Variants in RAB6B observed in about 807,000 individuals in gnomAD.
RAB6B encodes ras-related protein Rab-6B.
Under a neutral mutation model 31.2 loss-of-function variants are expected in RAB6B, and 7 were observed. The observed-to-expected ratio is 0.22, with a 90% CI of 0.13 to 0.42. The LOEUF (loss-of-function observed/expected upper bound fraction) is 0.42. Ranked by LOEUF, RAB6B falls within the 10% of genes least tolerant of loss-of-function variation. The pLI, the probability that RAB6B is intolerant of heterozygous loss-of-function variation, is 1.00. For synonymous variants in RAB6B, 105 were observed against 104.9 expected (o/e 1.00, Z -0.01); for missense variants, 149 against 280.6 (o/e 0.53, Z 3.35).
At chr3:133,876,493 A>T (rs944341133) in intron 1 of RAB6B, among the ~76,000 whole-genome samples, 1 of 152,200 alleles carries the variant, frequency 6.6e-6, no homozygotes, top group Non-Finnish European at 1.5e-5. Context: ...GAGAGATAAA[A>T]TATAAGGCAA....
intron 2 of RAB6B, among the ~76,000 whole-genome samples, chr3:133,857,272 G>A (rs977699692): frequency 6.6e-6 from 1 of 151,930 alleles, no homozygotes; most frequent in African/African-American, 2.4e-5. Context: ...AAAGTTTAAG[G>A]CCACTGGTTT....
rs569467709 is a variant in RAB6B at position 133,870,922 on chromosome 3, G to C, written c.71-6280C>G. ...TACCCTGGAAATCCCACCAATGCAG[G>C]GTGCACTGGATGCTGGCCCTTCACA... On this transcript the variant is annotated intron_variant, in intron 1 of 7. Coordinates refer to ENST00000285208, the MANE Select transcript of RAB6B (RefSeq NM_016577.4). Among the ~76,000 whole-genome samples the C allele has an allele frequency of 2.4e-4, 37 of 152,296 alleles. No individual in the cohort carries two copies. In the South Asian group the frequency reaches 7.7e-3, roughly 32 times the overall value.
intron 6 of RAB6B, 58 bp downstream of exon 6, chr3:133,838,108 C>T: frequency 6.5e-7 from 1 of 1,539,592 alleles, no homozygotes; most frequent in South Asian, 1.1e-5. Context: ...CTGCAGCTGA[C>T]CACAGGGCTA....
At chr3:133,838,380 C>T (rs1355119821) in intron 5 of RAB6B, 121 bp from the exon 6 acceptor site, 11 of 868,190 alleles carry the variant, frequency 1.3e-5, no homozygotes, top group Non-Finnish European at 2.1e-5. Context: ...GTCCTGAAGA[C>T]AGGCTCTGAT....
chr3:133,862,564 G>A (rs1936175010), intron 2 of RAB6B, among the ~76,000 whole-genome samples: 1 of 152,230 alleles, frequency 6.6e-6, no homozygotes, highest in Admixed American at 6.5e-5. Flanking sequence ...GCAGAGAAGA[G>A]AGGAAAGGGC....
chr3:133,837,640 G>A (rs567914729), intron 6 of RAB6B, among the ~76,000 whole-genome samples: 9 of 152,180 alleles, frequency 5.9e-5, no homozygotes, highest in Non-Finnish European at 1.2e-4. Context: ...CTACTCAGGG[G>A]CCCTCATGCT....
At position 133,843,789 on chromosome 3, in the gene RAB6B, G is replaced by A. The variant is rs555014692; in HGVS notation, c.130-2126C>T. Among the ~76,000 whole-genome samples, 4 of 152,316 alleles carry A rather than the reference G, an allele frequency of 2.6e-5. No individual in the cohort carries two copies. The South Asian group carries it at 8.3e-4, about 32-fold the overall frequency. ...GGGTCAGGTCCTCTGTGGGTAGGGA[G>A]TACCCACAGCTGCTCCCTTTCCCAC... On this transcript the variant is annotated intron_variant, in intron 2 of 7. Transcript: ENST00000285208.
chr3:133,848,688 A>G (rs546266607), intron 2 of RAB6B, among the ~76,000 whole-genome samples: 1 of 152,180 alleles, frequency 6.6e-6, no homozygotes, highest in East Asian at 1.9e-4. Context: ...CACTCCTGCA[A>G]TAACTGCATT....
At chr3:133,842,911 G>C (rs912400459) in intron 2 of RAB6B, among the ~76,000 whole-genome samples, 7 of 152,220 alleles carry the variant, frequency 4.6e-5, no homozygotes, top group African/African-American at 1.7e-4. Flanking sequence ...AAGTTTAATT[G>C]TGTGGAATGC....
Position 133,839,522 on chromosome 3 carries a change from C to G in RAB6B, c.385G>C (p.Asp129His). The change falls in exon 5 of 8, where the codon GAC becomes CAC. Residue 129 changes from aspartate to histidine, a missense_variant. Physicochemically the swap from Asp to His is moderately conservative, Grantham distance 81. Around this residue, in one of 2 missense-constraint regions of RAB6B, gnomAD observed 75 missense variants for 180.1 expected, o/e 0.42. Coordinates refer to ENST00000285208, the MANE Select transcript of RAB6B (RefSeq NM_016577.4). ...TGCACCTACCTCTTATCAGCCAGGT[C>G]CGTCTTGTTGCCCACCAGCATGATG... ...VIIMLVGNKT[D>H]LADKRQITIE... is the part of the protein sequence containing the mutation. 6.2e-7 allele frequency: 1 copy of G among 1,614,018 alleles called. No homozygotes were observed. The highest frequency in any genetic ancestry group is 1.1e-5 in the South Asian group (1 of 91,078).
chr3:133,846,008 C>T (rs767906890), intron 2 of RAB6B, among the ~76,000 whole-genome samples: 1 of 152,310 alleles, frequency 6.6e-6, no homozygotes, highest in African/African-American at 2.4e-5. Context: ...ATAACAGTAG[C>T]TAGGACACTG....
intron 1 of RAB6B, chr3:133,885,599 C>T (rs1051675404): frequency 8.5e-6 from 6 of 702,818 alleles, no homozygotes; most frequent in Admixed American, 2.0e-5. Context: ...GGGAGGAGTC[C>T]GGAAGGGCTG....
intron 2 of RAB6B, among the ~76,000 whole-genome samples, chr3:133,850,186 CTACCACGGGGGGGAGAA>C (rs1559903923): frequency 6.6e-6 from 1 of 152,154 alleles, no homozygotes; most frequent in Admixed American, 6.5e-5. Flanking sequence ...CAGTTGCTGC[CTACCACGGGGGGGAGAA>C]TTGAGAATTT....
At chr3:133,846,639 C>A (rs1002417492) in intron 2 of RAB6B, among the ~76,000 whole-genome samples, 7 of 152,092 alleles carry the variant, frequency 4.6e-5, no homozygotes, top group Admixed American at 1.3e-4. Flanking sequence ...ATGTCATAGT[C>A]AAATTGCTGA....
At chr3:133,874,062 T>C (rs1436561612) in intron 1 of RAB6B, among the ~76,000 whole-genome samples, 2 of 152,134 alleles carry the variant, frequency 1.3e-5, no homozygotes, top group East Asian at 3.8e-4. Flanking sequence ...GGTCTTGCTG[T>C]CTCAAAAATG....
At chr3:133,882,645 C>T (rs553125134) in intron 1 of RAB6B, among the ~76,000 whole-genome samples, 1 of 152,352 alleles carries the variant, frequency 6.6e-6, no homozygotes, top group East Asian at 1.9e-4. Flanking sequence ...CTGCATGCTG[C>T]TCTATCCAGT....
chr3:133,830,811 G>A (rs950932782), intron 7 of RAB6B, among the ~76,000 whole-genome samples: 2 of 152,198 alleles, frequency 1.3e-5, no homozygotes, highest in African/African-American at 4.8e-5. Flanking sequence ...CAACACTACT[G>A]ACATTTTGGG....
At chr3:133,847,638 C>T (rs1472823332) in intron 2 of RAB6B, among the ~76,000 whole-genome samples, 1 of 152,214 alleles carries the variant, frequency 6.6e-6, no homozygotes, top group African/African-American at 2.4e-5. Flanking sequence ...GGACTTCAAA[C>T]CCACTGTATC....
chr3:133,855,906 G>A (rs1227142519), intron 2 of RAB6B, among the ~76,000 whole-genome samples: 1 of 152,146 alleles, frequency 6.6e-6, no homozygotes, highest in Non-Finnish European at 1.5e-5. Context: ...AACGGTAATG[G>A]TGTGACTCAA....
Sources: allele counts gnomAD v4.1 joint callset (sites outside exome capture counted in the v4.1 genomes callset), GRCh38; gene constraint gnomAD v4.1.1; regional missense constraint gnomAD v4.1.1; transcripts MANE v1.5; gene names NCBI Gene and HGNC (gene_info 2026-07-23, HGNC 2026-07-21).